WDR70: variants seen among roughly 807,000 people sequenced by gnomAD.
The protein encoded by WDR70 is WD repeat-containing protein 70.
A neutral mutation model predicts 88.6 loss-of-function variants in WDR70; 53 were observed. The ratio of observed to expected loss-of-function variants is 0.60; its 90% CI spans 0.48 to 0.75. The LOEUF is 0.75. WDR70 is among the 30% of genes least tolerant of loss of function. The probability of loss-of-function intolerance (pLI) is 0.00; values close to 1 mark genes in which losing one functional copy is unlikely to be tolerated. For missense variants in WDR70, 610 were observed against 823.2 expected, an observed-to-expected ratio of 0.74 and a Z score of 3.17; for synonymous variants, 280 against 270.0, an observed-to-expected ratio of 1.04 and a Z score of -0.36.
chr5:37,610,182 C>G (rs1744147568), intron 10 of WDR70, among the ~76,000 whole-genome samples: 1 of 149,594 alleles, frequency 6.7e-6, no homozygotes, highest in African/African-American at 2.5e-5. Flanking sequence ...AGGAGAATTG[C>G]TTGAATCTGG....
chr5:37,618,672 G>A lies in WDR70; in HGVS notation c.1092+13434G>A, dbSNP rs1221037715. ...GAGGAAGTGGGAAAAGGTTGAGGTG[G>A]GTGGATATATCAGATCAAATAGGGC... On this transcript the variant is annotated intron_variant, in intron 10 of 17. Coordinates refer to ENST00000265107, the MANE Select transcript of WDR70 (RefSeq NM_018034.4). 2.0e-5 allele frequency among the ~76,000 whole-genome samples: 3 copies of A among 152,284 alleles called. No homozygotes were observed. In the East Asian group the frequency reaches 5.8e-4, roughly 29 times the overall value.
chr5:37,673,355 G>A (rs1746087165), intron 10 of WDR70, among the ~76,000 whole-genome samples: 1 of 152,068 alleles, frequency 6.6e-6, no homozygotes, highest in South Asian at 2.1e-4. Flanking sequence ...CAGTGTTGCA[G>A]TGAACATATA....
chr5:37,608,050 T>C (rs1003378985), intron 10 of WDR70, among the ~76,000 whole-genome samples: 4 of 149,290 alleles, frequency 2.7e-5, no homozygotes, highest in African/African-American at 9.9e-5. Flanking sequence ...TTTTTTTTTT[T>C]TTTTTTTTTG....
intron 9 of WDR70, among the ~76,000 whole-genome samples, chr5:37,581,147 C>A (rs1040869808): frequency 3.9e-5 from 6 of 152,106 alleles, no homozygotes; most frequent in African/African-American, 1.4e-4. Context: ...GAAAGAAACA[C>A]TTTTCCCCAG....
intron 10 of WDR70, among the ~76,000 whole-genome samples, chr5:37,626,493 G>T (rs1744669299): frequency 6.6e-6 from 1 of 152,164 alleles, no homozygotes; most frequent in Non-Finnish European, 1.5e-5. Flanking sequence ...TTACTGATGT[G>T]TTGTTAGAAC....
rs1032030253 is a variant in WDR70 at position 37,546,934 on chromosome 5, T to C, written c.917+30344T>C. Among the ~76,000 whole-genome samples, 61 of 151,662 alleles carry C rather than the reference T, an allele frequency of 4.0e-4. 1 individual carries two copies. Among genetic ancestry groups the C allele is most frequent in the African/African-American group, 1.4e-3 (57 of 41,322 alleles). ...TCTGTCTCAAAAAAAAAAAAAATTATGTATGTGTTTATTTTTAAAGAAGAA... is the reference window on the plus strand; with the variant it reads ...TCTGTCTCAAAAAAAAAAAAAATTACGTATGTGTTTATTTTTAAAGAAGAA... On this transcript the variant is annotated intron_variant, in intron 9 of 17. Transcript: ENST00000265107.
At chr5:37,678,841 C>A (rs1308494573) in intron 10 of WDR70, among the ~76,000 whole-genome samples, 1 of 152,214 alleles carries the variant, frequency 6.6e-6, no homozygotes, top group Non-Finnish European at 1.5e-5. Flanking sequence ...CAACTTGGTT[C>A]CATTCTCCCC....
chr5:37,502,441 T>C (rs1479935684), intron 8 of WDR70, among the ~76,000 whole-genome samples: 1 of 152,182 alleles, frequency 6.6e-6, no homozygotes, highest in East Asian at 1.9e-4. Flanking sequence ...TGGCTTTTAT[T>C]ATTTTGAAGT....
chr5:37,635,391 C>G (rs1051770840), intron 10 of WDR70, among the ~76,000 whole-genome samples: 22 of 152,284 alleles, frequency 1.4e-4, no homozygotes, highest in Admixed American at 1.1e-3. Context: ...AAGTGCTTGA[C>G]CTCTCCTTGC....
rs368366514 is a variant in WDR70 at position 37,722,839 on chromosome 5, C to T, written c.1518-16C>T. ...AAGACCAAGTAAAGAAAATAATTTG[C>T]TTTTACACCCGTTAGGGGAGCAAAA... On this transcript the variant is annotated splice_polypyrimidine_tract_variant and intron_variant, in intron 14 of 17. Transcript: ENST00000265107. 1.7e-5 allele frequency: 27 copies of T among 1,612,720 alleles called. No individual in the cohort carries two copies. In the East Asian group the frequency reaches 3.3e-4, roughly 20 times the overall value.
At chr5:37,415,391 G>A (rs1749676960) in intron 5 of WDR70, among the ~76,000 whole-genome samples, 2 of 116,438 alleles carry the variant, frequency 1.7e-5, no homozygotes, top group East Asian at 2.6e-4. Context: ...CCCGGACGGG[G>A]CGGCTGGCCG....
At chr5:37,577,235 T>C (rs1053853282) in intron 9 of WDR70, among the ~76,000 whole-genome samples, 10 of 152,154 alleles carry the variant, frequency 6.6e-5, no homozygotes, top group Non-Finnish European at 1.0e-4. Context: ...AGGATGATGA[T>C]GATAATGATA....
At chr5:37,386,954 C>T (rs560190851) in intron 3 of WDR70, among the ~76,000 whole-genome samples, 13 of 152,072 alleles carry the variant, frequency 8.5e-5, no homozygotes, top group African/African-American at 2.7e-4. Flanking sequence ...AAAAATTAAC[C>T]GGGTGTGGGT....
chr5:37,434,253 C>T (rs1258622148), intron 5 of WDR70, among the ~76,000 whole-genome samples: 1 of 152,106 alleles, frequency 6.6e-6, no homozygotes, highest in Non-Finnish European at 1.5e-5. Context: ...GGAAACTGCC[C>T]CCATGATCCA....
At chr5:37,551,304 C>A (rs750140833) in intron 9 of WDR70, among the ~76,000 whole-genome samples, 2 of 150,844 alleles carry the variant, frequency 1.3e-5, no homozygotes, top group Non-Finnish European at 3.0e-5. Context: ...AAACTTTGTT[C>A]CCCCCCTCCG....
chr5:37,506,808 A>G (rs1290662739), intron 8 of WDR70: 52 of 1,362,570 alleles, frequency 3.8e-5, no homozygotes, highest in Non-Finnish European at 5.0e-5. Context: ...TACAGCAACC[A>G]CCTTTCCGTT....
At chr5:37,384,475 A>G (rs1436567530) in intron 3 of WDR70, among the ~76,000 whole-genome samples, 4 of 151,628 alleles carry the variant, frequency 2.6e-5, no homozygotes, top group Non-Finnish European at 5.9e-5. Flanking sequence ...CCTGGCTAAC[A>G]TGGTGAAACC....
Position 37,596,344 on chromosome 5 carries a change from T to C in WDR70, c.918-8720T>C, listed in dbSNP as rs544794862. Among the ~76,000 whole-genome samples the C allele has an allele frequency of 1.2e-4, 19 of 152,302 alleles. No homozygotes were observed. The South Asian group carries it at 3.7e-3, about 30-fold the overall frequency. ...TAAACCAACAGAAATATAACAGATA[T>C]TACTAGCTGCATACTCCAATATACA... On this transcript the variant is annotated intron_variant, in intron 9 of 17. Coordinates refer to ENST00000265107, the MANE Select transcript of WDR70 (RefSeq NM_018034.4).
intron 10 of WDR70, among the ~76,000 whole-genome samples, chr5:37,625,904 G>A (rs1214456527): frequency 1.3e-5 from 2 of 151,552 alleles, no homozygotes; most frequent in Admixed American, 1.3e-4. Flanking sequence ...TCCCCTATTA[G>A]ATGAGTAGTT....
Sources: gnomAD v4.1 joint callset for allele counts (sites outside exome capture counted in the v4.1 genomes callset) on GRCh38, gnomAD v4.1.1 for gene constraint, MANE v1.5 for transcripts, NCBI Gene and HGNC (gene_info 2026-07-23, HGNC 2026-07-21) for gene names.